Variants in COL4A2 observed in about 807,000 individuals in gnomAD.
COL4A2 encodes collagen alpha-2(IV) chain.
COL4A2 carries 99 observed loss-of-function variants against 200.2 expected under a neutral mutation model. That is an observed-to-expected ratio of 0.49 (90% CI 0.42 to 0.58). The LOEUF (loss-of-function observed/expected upper bound fraction) is 0.58, where lower values mean the gene tolerates loss of function less well. COL4A2 is among the 20% of genes least tolerant of loss of function. The pLI is 0.00. For missense variants in COL4A2, 1,950 were observed against 2,314.1 expected, an observed-to-expected ratio of 0.84 and a Z score of 3.23; for synonymous variants, 897 against 900.6, an observed-to-expected ratio of 1.00 and a Z score of 0.07.
intron 36 of COL4A2, among the ~76,000 whole-genome samples, chr13:110,490,734 G>A (rs1883259321): frequency 6.6e-6 from 1 of 152,180 alleles, no homozygotes; most frequent in Admixed American, 6.5e-5. Flanking sequence ...ACACAGAAAC[G>A]TGGACCATCA....
At position 110,416,634 on chromosome 13, in the gene COL4A2, G is replaced by A. The variant is rs569075984; in HGVS notation, c.181-8100G>A. Reference sequence around the variant, plus strand: ...GGGTTTTCAGACACTGATACTATGGGTGGGGAAGAGGAGATCATCCACTTT... The same window carrying A: ...GGGTTTTCAGACACTGATACTATGGATGGGGAAGAGGAGATCATCCACTTT... On this transcript the variant is annotated intron_variant, in intron 4 of 47. Coordinates refer to ENST00000360467, the MANE Select transcript of COL4A2 (RefSeq NM_001846.4). Among the ~76,000 whole-genome samples, 7 of 152,338 alleles carry A rather than the reference G, an allele frequency of 4.6e-5. No homozygotes were observed. In the East Asian group the frequency reaches 1.3e-3, roughly 29 times the overall value.
intron 3 of COL4A2, among the ~76,000 whole-genome samples, chr13:110,312,467 T>C (rs1411357391): frequency 6.6e-6 from 1 of 152,134 alleles, no homozygotes; most frequent in Admixed American, 6.5e-5. Flanking sequence ...GGAAAGAAAA[T>C]GGATGTGTAG....
intron 4 of COL4A2, among the ~76,000 whole-genome samples, chr13:110,360,788 C>T (rs1056848117): frequency 2.1e-5 from 3 of 143,348 alleles, no homozygotes; most frequent in South Asian, 2.6e-4. Context: ...AAACGATACC[C>T]GCCCCCCACC....
At chr13:110,454,243 C>T (rs1881637210) in intron 20 of COL4A2, among the ~76,000 whole-genome samples, 1 of 152,124 alleles carries the variant, frequency 6.6e-6, no homozygotes, top group Non-Finnish European at 1.5e-5. Context: ...CACTGCTATT[C>T]TATAGGACTT....
At chr13:110,493,173 G>T (rs370746582) in intron 38 of COL4A2, 38 bp from the exon 39 acceptor site, 37 of 1,611,860 alleles carry the variant, frequency 2.3e-5, no homozygotes, top group Non-Finnish European at 2.9e-5. Flanking sequence ...TGACACCCCC[G>T]CAGGTGAAAT....
intron 3 of COL4A2, among the ~76,000 whole-genome samples, chr13:110,321,393 T>C (rs1390417618): frequency 2.0e-5 from 3 of 152,230 alleles, no homozygotes; most frequent in Non-Finnish European, 4.4e-5. Flanking sequence ...ATTAAACATA[T>C]CACATTTTTG....
intron 29 of COL4A2, among the ~76,000 whole-genome samples, chr13:110,474,672 TCCTTACA>T (rs1882611728): frequency 9.9e-6 from 1 of 101,400 alleles, no homozygotes; most frequent in Non-Finnish European, 2.1e-5. Flanking sequence ...ATGATCACAC[TCCTTACA>T]CACGTACCCA....
intron 4 of COL4A2, among the ~76,000 whole-genome samples, chr13:110,422,684 T>G (rs1014277550): frequency 6.6e-6 from 1 of 152,156 alleles, no homozygotes; most frequent in African/African-American, 2.4e-5. Flanking sequence ...GTCCCAAGAT[T>G]CGGGATACAT....
intron 4 of COL4A2, among the ~76,000 whole-genome samples, chr13:110,389,863 A>G (rs929410166): frequency 2.0e-4 from 2 of 10,064 alleles, no homozygotes; most frequent in Admixed American, 3.1e-3. Context: ...TTCTTTCTAA[A>G]GCAAAAAAAA....
chr13:110,369,749 A>C (rs1566497116), intron 4 of COL4A2, among the ~76,000 whole-genome samples: 1 of 152,114 alleles, frequency 6.6e-6, no homozygotes. Flanking sequence ...CAGATACCTC[A>C]ATGATACTCA....
chr13:110,475,141 G>A (rs1370426143), intron 29 of COL4A2, among the ~76,000 whole-genome samples: 2 of 152,282 alleles, frequency 1.3e-5, no homozygotes, highest in African/African-American at 4.8e-5. Context: ...GCTAGAGCAG[G>A]TTGTTGGGTG....
At position 110,479,988 on chromosome 13, in the gene COL4A2, C is replaced by G. The variant is rs907387726; in HGVS notation, c.2588-232C>G. Among the ~76,000 whole-genome samples, 3 of 135,652 alleles carry G rather than the reference C, an allele frequency of 2.2e-5. No individual in the cohort carries two copies. In the Admixed American group the frequency reaches 2.3e-4, roughly 11 times the overall value. The allele number at this position is 135,652 out of a possible 152,430, so 89.0% of individuals were successfully genotyped here. On this transcript the variant is annotated intron_variant, in intron 30 of 47. Coordinates refer to ENST00000360467, the MANE Select transcript of COL4A2 (RefSeq NM_001846.4). ...TGAAGACTGCAGTGGGAAAGCCATG[C>G]TGGCTGGCACCCCGCCAGCACAGCC... is the stretch of plus-strand genomic sequence containing the variant.
rs572573114 is a variant in COL4A2, at chr13:110,418,139, G to A, written c.181-6595G>A. 2.0e-5 allele frequency among the ~76,000 whole-genome samples: 3 copies of A among 152,272 alleles called. No individual in the cohort carries two copies. In the South Asian group the frequency reaches 6.2e-4, roughly 32 times the overall value. The stretch of plus-strand genomic sequence containing the variant: ...AATTTGCTTTTCCCTAATGACCACT[G>A]AAGTTTAGCATCTTTTCATGTGTAC... On this transcript the variant is annotated intron_variant, in intron 4 of 47. Transcript: ENST00000360467.
intron 3 of COL4A2, among the ~76,000 whole-genome samples, chr13:110,336,217 C>G (rs1212336026): frequency 6.6e-6 from 1 of 152,146 alleles, no homozygotes; most frequent in Admixed American, 6.5e-5. Flanking sequence ...GGAAAATATT[C>G]TGATGGCTCT....
intron 3 of COL4A2, among the ~76,000 whole-genome samples, chr13:110,324,005 A>T (rs898230824): frequency 1.2e-4 from 19 of 152,344 alleles, no homozygotes; most frequent in African/African-American, 4.1e-4. Flanking sequence ...AGTCGAAAAA[A>T]TTATTGGGTA....
chr13:110,358,141 C>G (rs1419352323), intron 4 of COL4A2, among the ~76,000 whole-genome samples: 1 of 152,168 alleles, frequency 6.6e-6, no homozygotes, highest in Admixed American at 6.5e-5. Flanking sequence ...ACACATTGTA[C>G]AGCTGTACAA....
chr13:110,408,978 ACACACATG>A (rs1879708178), intron 4 of COL4A2, among the ~76,000 whole-genome samples: 1 of 5,568 alleles, frequency 1.8e-4, no homozygotes, highest in Admixed American at 2.2e-3. Flanking sequence ...GCACATATAC[ACACACATG>A]CACACACGCA....
At chr13:110,355,295 G>GA (rs1877148090) in intron 3 of COL4A2, among the ~76,000 whole-genome samples, 1 of 118,320 alleles carries the variant, frequency 8.5e-6, no homozygotes, top group Admixed American at 7.3e-5. Flanking sequence ...GTTTGTGTGG[G>GA]GAGGGCTGCA....
At chr13:110,457,517 C>A in intron 21 of COL4A2, 82 bp downstream of exon 21, 1 of 811,676 alleles carries the variant, frequency 1.2e-6, no homozygotes, top group Non-Finnish European at 2.2e-6. Context: ...AATCCATCCC[C>A]CACTCACGTG....
Sources: allele counts gnomAD v4.1 joint callset (sites outside exome capture counted in the v4.1 genomes callset), GRCh38; gene constraint gnomAD v4.1.1; transcripts MANE v1.5; gene names NCBI Gene and HGNC (gene_info 2026-07-23, HGNC 2026-07-21).